The following DNAH6 variants were observed in gnomAD, a reference collection of about 807,000 sequenced individuals.
DNAH6 encodes dynein axonemal heavy chain 6, also known as axonemal beta dynein heavy chain 6.
A neutral mutation model predicts 491.4 loss-of-function variants in DNAH6; 340 were observed. The ratio of observed to expected loss-of-function variants is 0.69; its 90% CI spans 0.63 to 0.76. The LOEUF is 0.76. Ranked by LOEUF, DNAH6 falls within the 30% of genes least tolerant of loss-of-function variation. The probability of loss-of-function intolerance (pLI) is 0.00; values close to 1 mark genes in which losing one functional copy is unlikely to be tolerated. For synonymous variants in DNAH6, 1,603 were observed against 1,686.1 expected (o/e 0.95, Z 1.21); for missense variants, 4,443 against 4,972.2 (o/e 0.89, Z 3.20).
At chr2:84,577,946 A>C (rs1229860639) in intron 13 of DNAH6, among the ~76,000 whole-genome samples, 4 of 152,242 alleles carry the variant, frequency 2.6e-5, no homozygotes, top group Non-Finnish European at 5.9e-5. Flanking sequence ...GGAAAACTAT[A>C]GCCCACAGAG....
chr2:84,548,259 C>T (rs916513837), intron 7 of DNAH6, 29 bp from the exon 8 acceptor site: 2 of 1,588,818 alleles, frequency 1.3e-6, no homozygotes, highest in Non-Finnish European at 1.7e-6. Context: ...CACAAGTACA[C>T]TTGTTGTTGT....
the DNAH6 span, among the ~76,000 whole-genome samples, chr2:84,466,553 A>G: frequency 2.0e-5 from 3 of 152,228 alleles, no homozygotes; most frequent in Admixed American, 6.5e-5. Flanking sequence ...ACAAAGGATC[A>G]GCAATATTTT....
chr2:84,485,567 A>G, the DNAH6 span, among the ~76,000 whole-genome samples: 1 of 152,076 alleles, frequency 6.6e-6, no homozygotes, highest in Non-Finnish European at 1.5e-5. Context: ...GAACCTATAG[A>G]GGGGCAGAAC....
chr2:84,689,724 G>A (rs565624373), intron 45 of DNAH6, among the ~76,000 whole-genome samples: 1 of 152,330 alleles, frequency 6.6e-6, no homozygotes. Flanking sequence ...CAAAGAGCAA[G>A]TAGGACCAGA....
chr2:84,634,507 A>ATGGGGCGCTTC lies in DNAH6; in HGVS notation c.4521_4531dup (p.Phe1511TrpfsTer25). ...AACTGCTTTATTTTGATTTCAGATG[A>ATGGGGCGCTTC]TGGGGCGCTTCTTCAGTGGCTTGGC... On this transcript the variant is annotated frameshift_variant, in exon 30 of 77. Coordinates refer to ENST00000389394, the MANE Select transcript of DNAH6 (RefSeq NM_001370.2). LOFTEE classifies it high-confidence loss of function. The ATGGGGCGCTTC allele has an allele frequency of 6.5e-7, 1 of 1,537,528 alleles. No individual in the cohort carries two copies. Among genetic ancestry groups the ATGGGGCGCTTC allele is most frequent in the Non-Finnish European group, 8.8e-7 (1 of 1,142,342 alleles).
the DNAH6 span, among the ~76,000 whole-genome samples, chr2:84,510,367 C>T: frequency 3.3e-5 from 5 of 152,184 alleles, no homozygotes; most frequent in African/African-American, 7.2e-5. Context: ...TTGAGTGAAT[C>T]GGCTACTGAG....
chr2:84,570,032 A>G (rs947839583), intron 11 of DNAH6, among the ~76,000 whole-genome samples: 1 of 152,086 alleles, frequency 6.6e-6, no homozygotes, highest in African/African-American at 2.4e-5. Flanking sequence ...GAGCACATCT[A>G]GTATCCACAT....
chr2:84,597,160 A>G (rs1188661048), intron 18 of DNAH6, among the ~76,000 whole-genome samples: 3 of 152,224 alleles, frequency 2.0e-5, no homozygotes, highest in East Asian at 1.9e-4. Context: ...ACAGAATATT[A>G]TATAAATGAA....
chr2:84,508,870 G>C, the DNAH6 span, among the ~76,000 whole-genome samples: 1 of 152,176 alleles, frequency 6.6e-6, no homozygotes, highest in African/African-American at 2.4e-5. Flanking sequence ...CCATGTAGTT[G>C]AGCAGTTTTG....
chr2:84,641,247 G>GCA (rs1273648924), intron 32 of DNAH6, among the ~76,000 whole-genome samples: 1 of 152,150 alleles, frequency 6.6e-6, no homozygotes, highest in Non-Finnish European at 1.5e-5. Flanking sequence ...CTCAGGTTCT[G>GCA]CACATCCAGG....
chr2:84,796,633 C>T (rs1320809099), intron 69 of DNAH6, among the ~76,000 whole-genome samples: 3 of 152,072 alleles, frequency 2.0e-5, no homozygotes, highest in Non-Finnish European at 2.9e-5. Flanking sequence ...TGAATTACTT[C>T]GATTTTAAAG....
chr2:84,608,254 G>C (rs961429588), intron 21 of DNAH6, among the ~76,000 whole-genome samples: 1 of 152,224 alleles, frequency 6.6e-6, no homozygotes, highest in Non-Finnish European at 1.5e-5. Flanking sequence ...TCATCTATAA[G>C]GGTTGGAGTC....
chr2:84,644,013 A>G (rs916088752), intron 33 of DNAH6, among the ~76,000 whole-genome samples: 27 of 152,184 alleles, frequency 1.8e-4, no homozygotes, highest in Admixed American at 7.9e-4. Flanking sequence ...CTGGGCCAAA[A>G]GTAAATTGGC....
chr2:84,622,746 C>T (rs10211265), intron 26 of DNAH6, among the ~76,000 whole-genome samples: 10,190 of 152,116 alleles, frequency 0.067, 1,109 homozygotes, highest in African/African-American at 0.23. Context: ...TTTGAGGAGC[C>T]GGCATATTGT....
At chr2:84,494,362 CAAAAAGGAG>C in the DNAH6 span, among the ~76,000 whole-genome samples, 1 of 151,940 alleles carries the variant, frequency 6.6e-6, no homozygotes, top group Non-Finnish European at 1.5e-5. Flanking sequence ...TTTCAGGAAG[CAAAAAGGAG>C]ACATTAGCAG....
At chr2:84,797,497 C>A (rs1423145093) in intron 69 of DNAH6, 40 bp from the exon 70 acceptor site, 8 of 1,535,434 alleles carry the variant, frequency 5.2e-6, no homozygotes, top group Non-Finnish European at 8.8e-7. Flanking sequence ...CAAAGCCAGT[C>A]TATTTGAGAC....
intron 39 of DNAH6, 24 bp from the exon 40 acceptor site, chr2:84,672,303 A>G: frequency 1.3e-6 from 2 of 1,539,134 alleles, no homozygotes; most frequent in Non-Finnish European, 1.8e-6. Flanking sequence ...TAATTCTTAA[A>G]TTAAATTCAT....
At chr2:84,744,985 GTAAAT>G (rs1672830236) in intron 62 of DNAH6, 90 bp from the exon 63 acceptor site, 1 of 839,284 alleles carries the variant, frequency 1.2e-6, no homozygotes. Flanking sequence ...AAAACTGATA[GTAAAT>G]ATAGAGATAT....
In DNAH6 at chr2:84,715,578, A is replaced by G; in HGVS notation, c.9562A>G (p.Ile3188Val). 6 of 1,551,546 alleles carry G rather than the reference A, an allele frequency of 3.9e-6. No homozygotes were observed. Among genetic ancestry groups the G allele is most frequent in the Non-Finnish European group, 5.2e-6 (6 of 1,146,926 alleles). Reference sequence around the variant, plus strand: ...CTTCCAGGTATGCATTAAAGTTACCATTATCAATTTCACTGTAACAAAATC... The same window carrying G: ...CTTCCAGGTATGCATTAAAGTTACCGTTATCAATTTCACTGTAACAAAATC... ...YLPEVCIKVT[I>V]INFTVTKSGL... Residue 3188 changes from isoleucine to valine, a missense_variant, in exon 58 of 77, where the codon ATT becomes GTT. By Grantham distance (29) the Ile-to-Val change is conservative. Around this residue, in one of 3 missense-constraint regions of DNAH6, gnomAD observed 1,463 missense variants for 1,656.6 expected, o/e 0.88. Coordinates refer to ENST00000389394, the MANE Select transcript of DNAH6 (RefSeq NM_001370.2).
Sources: allele counts gnomAD v4.1 joint callset (sites outside exome capture counted in the v4.1 genomes callset), GRCh38; gene constraint gnomAD v4.1.1; regional missense constraint gnomAD v4.1.1; transcripts MANE v1.5; gene names NCBI Gene and HGNC (gene_info 2026-07-23, HGNC 2026-07-21).